Variants in KIF3C observed in about 807,000 individuals in gnomAD.
KIF3C encodes kinesin-like protein KIF3C.
In KIF3C, 12 loss-of-function variants were observed where a neutral mutation model predicts 67.7. That is an observed-to-expected ratio of 0.18 (90% CI 0.11 to 0.29). KIF3C has a LOEUF of 0.29. KIF3C is among the 10% of genes least tolerant of loss of function. The pLI is 1.00. For missense variants in KIF3C, 789 were observed against 1,059.6 expected (o/e 0.74, Z 3.55); for synonymous variants, 393 against 426.2 (o/e 0.92, Z 0.96).
chr2:25,971,667 T>C (rs74480756), intron 1 of KIF3C, among the ~76,000 whole-genome samples: 8,478 of 152,140 alleles, frequency 0.056, 549 homozygotes, highest in African/African-American at 0.16. Context: ...ACAGCCTCTA[T>C]AGCTGCAGAG....
At chr2:25,936,086 C>CAAA (rs529952771) in intron 5 of KIF3C, among the ~76,000 whole-genome samples, 2 of 135,304 alleles carry the variant, frequency 1.5e-5, no homozygotes, top group Non-Finnish European at 3.2e-5. Context: ...GACTCAGTCT[C>CAAA]AAAAAAAAAA....
At position 25,980,321 on chromosome 2, in the gene KIF3C, C is replaced by G; in HGVS notation, c.1545+52G>C. ...GACTCTCAAAGAAGAGCCTCCTTGCCGGGATCCCCTGCGGGGACATCTCGA... is the reference window on the plus strand; with the variant it reads ...GACTCTCAAAGAAGAGCCTCCTTGCGGGGATCCCCTGCGGGGACATCTCGA... On this transcript the variant is annotated intron_variant, in intron 1 of 7. Transcript: ENST00000264712. The surrounding 1 kb of genome is among the most constrained non-coding windows in gnomAD (Gnocchi z 7.6). 8 of 1,452,048 alleles carry G rather than the reference C, an allele frequency of 5.5e-6. No individual in the cohort carries two copies. The East Asian group carries it at 1.6e-4, about 29-fold the overall frequency. The allele number at this position is 1,452,048 out of a possible 1,614,324, so 89.9% of individuals were successfully genotyped here. A position where few individuals can be genotyped will look rare whatever the true frequency, so the allele number is the denominator to read the frequency against.
chr2:25,953,589 T>C lies in KIF3C; in HGVS notation c.1889+678A>G, dbSNP rs538475322. ...GTTAGCCAGGATAGTCTCGATCTCC[T>C]GACCTCGTGATCCACCTGCCTCAGC... On this transcript the variant is annotated intron_variant, in intron 4 of 7. Coordinates refer to ENST00000264712, the MANE Select transcript of KIF3C (RefSeq NM_002254.8). 2.7e-4 allele frequency among the ~76,000 whole-genome samples: 41 copies of C among 151,970 alleles called. No individual in the cohort carries two copies. The Middle Eastern group carries it at 0.01, about 38-fold the overall frequency.
intron 1 of KIF3C, among the ~76,000 whole-genome samples, chr2:25,965,006 G>T (rs1464015730): frequency 6.6e-6 from 1 of 152,110 alleles, no homozygotes; most frequent in African/African-American, 2.4e-5. Context: ...TGCGGGCTGG[G>T]CCCTGGGCTC....
At chr2:25,938,573 G>A (rs1232176081) in intron 5 of KIF3C, among the ~76,000 whole-genome samples, 1 of 152,122 alleles carries the variant, frequency 6.6e-6, no homozygotes, top group African/African-American at 2.4e-5. Flanking sequence ...CAAATTGGCA[G>A]CCTGACCCAA....
At chr2:25,950,731 AT>A (rs1374721511) in intron 5 of KIF3C, among the ~76,000 whole-genome samples, 4 of 152,208 alleles carry the variant, frequency 2.6e-5, no homozygotes, top group African/African-American at 9.6e-5. Context: ...CTGATGTACT[AT>A]TGAGAATCTC....
chr2:25,979,821 T>C (rs778346469), intron 1 of KIF3C, among the ~76,000 whole-genome samples: 1 of 152,156 alleles, frequency 6.6e-6, no homozygotes, highest in Non-Finnish European at 1.5e-5. Context: ...ACGTCACTTC[T>C]CCAAGCTTTA....
At chr2:25,937,039 T>C (rs557014061) in intron 5 of KIF3C, among the ~76,000 whole-genome samples, 1 of 152,328 alleles carries the variant, frequency 6.6e-6, no homozygotes, top group South Asian at 2.1e-4. Context: ...ATTTCTGAGA[T>C]TAAACAAGAC....
At chr2:25,929,215 T>G (rs2090437253) in intron 7 of KIF3C, 90 bp downstream of exon 7, 38 of 1,490,482 alleles carry the variant, frequency 2.5e-5, no homozygotes, top group Non-Finnish European at 3.5e-5. Context: ...GCCCTTCGGG[T>G]ACCAGCAAAA....
chr2:25,981,687 G>T lies in KIF3C; in HGVS notation c.231C>A (p.Thr77=). 1 of 1,614,060 alleles carries T rather than the reference G, an allele frequency of 6.2e-7. No individual in the cohort carries two copies. The change falls in exon 1 of 8, where the codon ACC becomes ACA. Residue 77 remains threonine, a synonymous_variant. Coordinates refer to ENST00000264712, the MANE Select transcript of KIF3C (RefSeq NM_002254.8). This position sits in a 1 kb window ranked among gnomAD's most constrained non-coding sequence, Gnocchi z 8.2. ...GCACGGAGTCTATCAGGGGCCTCAC[G>T]GTTTCGTCATACAGGTCGGCCTGCT... The part of the protein sequence containing the change: ...SSKQADLYDE[T]VRPLIDSVLQ...
intron 5 of KIF3C, among the ~76,000 whole-genome samples, chr2:25,950,254 G>A (rs548104003): frequency 1.4e-5 from 2 of 144,554 alleles, no homozygotes; most frequent in African/African-American, 5.2e-5. Context: ...TCTTGCTCTT[G>A]TTGCCCAGGC....
chr2:25,976,240 G>C (rs141738221), intron 1 of KIF3C, among the ~76,000 whole-genome samples: 1 of 152,116 alleles, frequency 6.6e-6, no homozygotes, highest in Non-Finnish European at 1.5e-5. Flanking sequence ...GGCTTCCGGG[G>C]CTGCTTCTGC....
rs1368313634 is a variant in KIF3C, at chr2:25,956,409, G to A, written c.1581C>T (p.Asn527=). 19 of 1,614,020 alleles carry A rather than the reference G, an allele frequency of 1.2e-5. No homozygotes were observed. Among genetic ancestry groups the A allele is most frequent in the Non-Finnish European group, 1.5e-5 (18 of 1,180,030 alleles). The stretch of plus-strand genomic sequence containing the variant: ...GCTGTTCGTTGGTGTGATCCATGAT[G>A]TTCCTGCCCCCGATGAGGAGCTTGC... The part of the protein sequence containing the change: ...MESKLLIGGR[N]IMDHTNEQQK... The change falls in exon 2 of 8, where the codon AAC becomes AAT. Residue 527 remains asparagine, a synonymous_variant. Coordinates refer to ENST00000264712, the MANE Select transcript of KIF3C (RefSeq NM_002254.8).
intron 5 of KIF3C, among the ~76,000 whole-genome samples, chr2:25,935,154 G>A (rs1663063537): frequency 1.3e-5 from 2 of 152,034 alleles, no homozygotes; most frequent in Non-Finnish European, 2.9e-5. Context: ...TGAGGCATAA[G>A]AATCACTTGA....
rs1574490081 is a variant in KIF3C at position 25,958,828 on chromosome 2, A to G, written c.1546-2384T>C. On this transcript the variant is annotated intron_variant, in intron 1 of 7. Coordinates refer to ENST00000264712, the MANE Select transcript of KIF3C (RefSeq NM_002254.8). This position sits in a 1 kb window ranked among gnomAD's most constrained non-coding sequence, Gnocchi z 4.5. Reference sequence around the variant, plus strand: ...GGTGGCTAGCGCCTGTAATCCCGGCACTTTGGGAGGCCAAGGCAGGCGGAT... The same window carrying G: ...GGTGGCTAGCGCCTGTAATCCCGGCGCTTTGGGAGGCCAAGGCAGGCGGAT... 6.6e-6 allele frequency among the ~76,000 whole-genome samples: 1 copy of G among 151,984 alleles called. No individual in the cohort carries two copies. The highest frequency in any genetic ancestry group is 2.4e-5 in the African/African-American group (1 of 41,390).
At position 25,958,024 on chromosome 2, in the gene KIF3C, C is replaced by G. The variant is rs976923526; in HGVS notation, c.1546-1580G>C. On this transcript the variant is annotated intron_variant, in intron 1 of 7. Transcript: ENST00000264712. The surrounding 1 kb of genome is among the most constrained non-coding windows in gnomAD (Gnocchi z 4.5). Reference sequence around the variant, plus strand: ...TTGCAGGACCATGAGAGGGAAGAATCCCTTACACTGCATCCTCAGCGACTC... The same window carrying G: ...TTGCAGGACCATGAGAGGGAAGAATGCCTTACACTGCATCCTCAGCGACTC... 2.6e-5 allele frequency among the ~76,000 whole-genome samples: 4 copies of G among 152,170 alleles called. No individual in the cohort carries two copies. Among genetic ancestry groups the G allele is most frequent in the Admixed American group, 1.3e-4 (2 of 15,292 alleles).
chr2:25,937,191 AGAG>A (rs1663151707), intron 5 of KIF3C, among the ~76,000 whole-genome samples: 2 of 152,392 alleles, frequency 1.3e-5, no homozygotes, highest in South Asian at 2.1e-4. Context: ...GACAGTTGGA[AGAG>A]GAGAAGAAAC....
At position 25,928,993 on chromosome 2, in the gene KIF3C, C is replaced by G; in HGVS notation, c.2367G>C (p.Val789=). The G allele has an allele frequency of 6.2e-7, 1 of 1,613,500 alleles. No homozygotes were observed. Among genetic ancestry groups the G allele is most frequent in the Non-Finnish European group, 8.5e-7 (1 of 1,179,940 alleles). Reference sequence around the variant, plus strand: ...GTGATGGTTGTCACTCATGGTCCGCCACTGTTGCAGGGCGCAGAGAAGCAG... The same window carrying G: ...GTGATGGTTGTCACTCATGGTCCGCGACTGTTGCAGGGCGCAGAGAAGCAG... ...LASASLRPAT[V]ADHE is the part of the protein sequence containing the mutation. The change falls in exon 8 of 8, where the codon GTG becomes GTC. Residue 789 remains valine, a synonymous_variant. Transcript: ENST00000264712.
chr2:25,934,120 G>A (rs1052918736), intron 5 of KIF3C: 2 of 470,632 alleles, frequency 4.2e-6, no homozygotes, highest in Middle Eastern at 3.3e-4. Context: ...CAGTCGCAAC[G>A]GACTACATAT....
Sources: gnomAD v4.1 joint callset for allele counts (sites outside exome capture counted in the v4.1 genomes callset) on GRCh38, gnomAD v4.1.1 for gene constraint, Gnocchi (gnomAD v3.1) non-coding constraint, MANE v1.5 for transcripts, NCBI Gene and HGNC (gene_info 2026-07-23, HGNC 2026-07-21) for gene names.